Variants in PDE1A observed in about 807,000 individuals in gnomAD.
The protein encoded by PDE1A is phosphodiesterase 1A, also known as dual specificity calcium/calmodulin-dependent 3',5'-cyclic nucleotide phosphodiesterase 1A.
A neutral mutation model predicts 61.7 loss-of-function variants in PDE1A; 35 were observed. That is an observed-to-expected ratio of 0.57 (90% CI 0.43 to 0.75). The LOEUF (loss-of-function observed/expected upper bound fraction) is 0.75, where lower values mean the gene tolerates loss of function less well. Among genes scored for constraint, PDE1A ranks in the 30% least tolerant of loss-of-function variants. The pLI is 0.00. For synonymous variants in PDE1A, 232 were observed against 213.2 expected, an observed-to-expected ratio of 1.09 and a Z score of -0.77; for missense variants, 597 against 630.6, an observed-to-expected ratio of 0.95 and a Z score of 0.57.
intron 2 of PDE1A, among the ~76,000 whole-genome samples, chr2:182,435,227 G>A (rs10931013): frequency 0.04 from 6,043 of 152,046 alleles, 447 homozygotes; most frequent in East Asian, 0.24. Flanking sequence ...TGTAATCAAC[G>A]AACATACAAA....
At chr2:182,603,864 G>A in the PDE1A span, among the ~76,000 whole-genome samples, 1 of 152,078 alleles carries the variant, frequency 6.6e-6, no homozygotes, top group South Asian at 2.1e-4. Flanking sequence ...TTTTAAAATT[G>A]CAGCAATTTA....
At chr2:182,317,187 G>T (rs1170991949) in intron 1 of PDE1A, among the ~76,000 whole-genome samples, 2 of 151,750 alleles carry the variant, frequency 1.3e-5, no homozygotes, top group Non-Finnish European at 2.9e-5. Flanking sequence ...TAGCTCCAGA[G>T]TTGTTTCAAA....
intron 1 of PDE1A, among the ~76,000 whole-genome samples, chr2:182,275,235 T>G (rs1693321807): frequency 6.6e-6 from 1 of 152,004 alleles, no homozygotes; most frequent in Non-Finnish European, 1.5e-5. Context: ...ACGGCAATCT[T>G]GAACCACAGA....
At chr2:182,276,163 G>A (rs192672358) in intron 1 of PDE1A, among the ~76,000 whole-genome samples, 23 of 149,162 alleles carry the variant, frequency 1.5e-4, no homozygotes, top group African/African-American at 5.7e-4. Context: ...TTTGTTTCTG[G>A]TTTCTTTCAA....
chr2:182,321,476 A>T (rs1167501858), intron 1 of PDE1A, among the ~76,000 whole-genome samples: 2 of 152,138 alleles, frequency 1.3e-5, no homozygotes, highest in Admixed American at 6.6e-5. Context: ...ATGAAGTATC[A>T]GGCACTGTTA....
the PDE1A span, among the ~76,000 whole-genome samples, chr2:182,642,408 A>C: frequency 6.6e-6 from 1 of 152,194 alleles, no homozygotes; most frequent in African/African-American, 2.4e-5. Flanking sequence ...ACAGGATTTG[A>C]AATGGCTGCA....
chr2:182,349,691 C>T (rs568502387), intron 1 of PDE1A, among the ~76,000 whole-genome samples: 6 of 151,990 alleles, frequency 3.9e-5, no homozygotes, highest in Non-Finnish European at 7.4e-5. Context: ...ATCCGGGAGG[C>T]GGAGGTTGCA....
chr2:182,561,000 G>A, the PDE1A span, among the ~76,000 whole-genome samples: 1 of 149,534 alleles, frequency 6.7e-6, no homozygotes, highest in South Asian at 2.2e-4. Context: ...CTCCCATTTT[G>A]TAGGTTGCCT....
intron 4 of PDE1A, among the ~76,000 whole-genome samples, chr2:182,232,292 T>C (rs1361121337): frequency 6.6e-6 from 1 of 152,188 alleles, no homozygotes; most frequent in Non-Finnish European, 1.5e-5. Context: ...CTAATGGTTA[T>C]CAGAAACTGC....
At chr2:182,659,418 T>C in the PDE1A span, among the ~76,000 whole-genome samples, 1 of 152,166 alleles carries the variant, frequency 6.6e-6, no homozygotes, top group African/African-American at 2.4e-5. Context: ...ACATAAATGA[T>C]AGGGCATAAT....
the PDE1A span, among the ~76,000 whole-genome samples, chr2:182,704,815 A>G: frequency 6.6e-6 from 1 of 152,224 alleles, no homozygotes; most frequent in Non-Finnish European, 1.5e-5. Context: ...ACTTCATTGT[A>G]TATTTAAGAA....
chr2:182,323,818 A>T (rs953198947), intron 1 of PDE1A, among the ~76,000 whole-genome samples: 1 of 152,200 alleles, frequency 6.6e-6, no homozygotes, highest in Non-Finnish European at 1.5e-5. Flanking sequence ...CCAGCTTCCA[A>T]GGGATTTCCA....
At chr2:182,482,819 G>T (rs1238755810) in intron 2 of PDE1A, among the ~76,000 whole-genome samples, 1 of 151,894 alleles carries the variant, frequency 6.6e-6, no homozygotes, top group African/African-American at 2.4e-5. Context: ...GTGAGTTAGA[G>T]AAAGCAAACA....
intron 2 of PDE1A, chr2:182,241,917 G>C (rs1157397800): frequency 1.3e-6 from 2 of 1,529,368 alleles, no homozygotes; most frequent in East Asian, 2.4e-5. Flanking sequence ...TTGCCCATTT[G>C]AAATTAGATT....
the PDE1A span, among the ~76,000 whole-genome samples, chr2:182,635,736 G>A: frequency 6.0e-5 from 9 of 151,020 alleles, no homozygotes; most frequent in African/African-American, 2.2e-4. Context: ...TTCAAAGAGT[G>A]TCCTTCATAT....
At chr2:182,704,221 A>AAAC in the PDE1A span, among the ~76,000 whole-genome samples, 2 of 150,418 alleles carry the variant, frequency 1.3e-5, no homozygotes, top group Non-Finnish European at 3.0e-5. Flanking sequence ...GAAAAAAAAA[A>AAAC]AAAACAAAAA....
intron 1 of PDE1A, among the ~76,000 whole-genome samples, chr2:182,415,426 T>C (rs901753272): frequency 6.6e-6 from 1 of 152,154 alleles, no homozygotes; most frequent in African/African-American, 2.4e-5. Flanking sequence ...TATAGATTAA[T>C]AGGATGGCTG....
At chr2:182,687,013 G>A in the PDE1A span, among the ~76,000 whole-genome samples, 1 of 152,214 alleles carries the variant, frequency 6.6e-6, no homozygotes, top group Non-Finnish European at 1.5e-5. Context: ...GGCTTGAGTA[G>A]GTAAACAAAG....
chr2:182,388,456 T>G (rs558929978), intron 1 of PDE1A, among the ~76,000 whole-genome samples: 62 of 152,222 alleles, frequency 4.1e-4, no homozygotes, highest in African/African-American at 1.3e-3. Context: ...TTTAAGAAAA[T>G]TAAAATTTTA....
Sources: allele counts gnomAD v4.1 joint callset (sites outside exome capture counted in the v4.1 genomes callset), GRCh38; gene constraint gnomAD v4.1.1; transcripts MANE v1.5; gene names NCBI Gene and HGNC (gene_info 2026-07-23, HGNC 2026-07-21).